The following NRG3 variants were observed in gnomAD, a reference collection of about 807,000 sequenced individuals.
The protein encoded by NRG3 is pro-neuregulin-3, membrane-bound isoform.
Under a neutral mutation model 66.9 loss-of-function variants are expected in NRG3, and 31 were observed. The observed-to-expected ratio is 0.46, with a 90% confidence interval of 0.35 to 0.63. The LOEUF (loss-of-function observed/expected upper bound fraction) is 0.63, where lower values mean the gene tolerates loss of function less well. NRG3 is among the 20% of genes least tolerant of loss of function. NRG3 has a pLI of 0.00. For synonymous variants in NRG3, 393 were observed against 359.4 expected, an observed-to-expected ratio of 1.09 and a Z score of -1.06; for missense variants, 910 against 878.9, an observed-to-expected ratio of 1.04 and a Z score of -0.45.
At position 82,173,558 on chromosome 10, in the gene NRG3, A is replaced by G. The variant is rs1175165479; in HGVS notation, c.824-185181A>G. On this transcript the variant is annotated intron_variant, in intron 1 of 8. Transcript: ENST00000372141. Reference sequence around the variant, plus strand: ...ACAAGGACATTGACCAGATGACACAATGACACAGCTGGGATTGACAATTAC... The same window carrying G: ...ACAAGGACATTGACCAGATGACACAGTGACACAGCTGGGATTGACAATTAC... Among the ~76,000 whole-genome samples the G allele has an allele frequency of 2.6e-5, 4 of 152,162 alleles. No homozygotes were observed. In the South Asian group the frequency reaches 6.2e-4, roughly 24 times the overall value.
intron 2 of NRG3, among the ~76,000 whole-genome samples, chr10:82,384,877 T>C (rs2085875485): frequency 6.6e-6 from 1 of 152,210 alleles, no homozygotes; most frequent in Non-Finnish European, 1.5e-5. Flanking sequence ...ATGGTTGAAC[T>C]AATTTACACT....
intron 1 of NRG3, among the ~76,000 whole-genome samples, chr10:82,344,434 G>T (rs1157279921): frequency 1.3e-5 from 2 of 149,524 alleles, no homozygotes; most frequent in Non-Finnish European, 2.9e-5. Flanking sequence ...TGGTGTATAT[G>T]TGCCACATTT....
At chr10:82,740,725 TGAGA>T (rs10543318) in intron 3 of NRG3, among the ~76,000 whole-genome samples, 13,618 of 150,020 alleles carry the variant, frequency 0.091, 799 homozygotes, top group Middle Eastern at 0.19. Flanking sequence ...CTCTGGAGGC[TGAGA>T]GAGGAGAATC....
chr10:82,362,001 A>G (rs752563103), intron 2 of NRG3, among the ~76,000 whole-genome samples: 1 of 148,850 alleles, frequency 6.7e-6, no homozygotes, highest in Non-Finnish European at 1.5e-5. Flanking sequence ...ATGCTCTGAC[A>G]CATTTCTGTT....
chr10:82,281,091 A>G (rs2079097453), intron 1 of NRG3, among the ~76,000 whole-genome samples: 1 of 152,186 alleles, frequency 6.6e-6, no homozygotes. Flanking sequence ...CCCTGGGATT[A>G]CATTGGTACT....
At chr10:82,829,719 G>A (rs184478653) in intron 3 of NRG3, among the ~76,000 whole-genome samples, 4 of 152,176 alleles carry the variant, frequency 2.6e-5, no homozygotes, top group East Asian at 1.9e-4. Context: ...GATGAATATC[G>A]CCAGGTCATT....
At chr10:81,969,857 T>C (rs1203272667) in intron 1 of NRG3, among the ~76,000 whole-genome samples, 1 of 152,106 alleles carries the variant, frequency 6.6e-6, no homozygotes, top group African/African-American at 2.4e-5. Context: ...AGTCTTGTAT[T>C]CCAATGCCCG....
intron 1 of NRG3, among the ~76,000 whole-genome samples, chr10:81,956,441 A>G (rs1021172201): frequency 1.3e-5 from 2 of 152,212 alleles, no homozygotes; most frequent in Admixed American, 1.3e-4. Context: ...TGGTCCATAC[A>G]CTAGGGCAGA....
intron 2 of NRG3, among the ~76,000 whole-genome samples, chr10:82,542,911 G>A (rs1040038074): frequency 6.1e-5 from 9 of 147,486 alleles, no homozygotes; most frequent in African/African-American, 2.3e-4. Context: ...TTTTTTTTGA[G>A]AACGAGTTTT....
intron 2 of NRG3, among the ~76,000 whole-genome samples, chr10:82,622,192 G>A: frequency 6.6e-6 from 1 of 151,908 alleles, no homozygotes; most frequent in East Asian, 1.9e-4. Context: ...AGTTAGCTAT[G>A]CTATTTATCA....
intron 2 of NRG3, among the ~76,000 whole-genome samples, chr10:82,493,846 C>A (rs1843378230): frequency 6.6e-6 from 1 of 151,590 alleles, no homozygotes; most frequent in Non-Finnish European, 1.5e-5. Flanking sequence ...GCATTCTATT[C>A]ATCTGACAAA....
intron 3 of NRG3, among the ~76,000 whole-genome samples, chr10:82,813,419 G>A (rs1277220358): frequency 6.6e-6 from 1 of 151,772 alleles, no homozygotes; most frequent in East Asian, 1.9e-4. Flanking sequence ...TCACCATGTT[G>A]GCCAAGCTGG....
intron 2 of NRG3, among the ~76,000 whole-genome samples, chr10:82,375,871 T>C (rs2085198887): frequency 1.3e-5 from 2 of 152,194 alleles, no homozygotes; most frequent in South Asian, 4.1e-4. Flanking sequence ...GTTTATGACA[T>C]TTGTATCAAA....
At chr10:82,967,151 A>T (rs1184453713) in intron 6 of NRG3, among the ~76,000 whole-genome samples, 1 of 148,650 alleles carries the variant, frequency 6.7e-6, no homozygotes, top group Non-Finnish European at 1.5e-5. Flanking sequence ...ATATATATAT[A>T]TGTATATTTT....
intron 1 of NRG3, among the ~76,000 whole-genome samples, chr10:82,238,982 C>G (rs968697351): frequency 7.7e-6 from 1 of 129,198 alleles, no homozygotes; most frequent in Non-Finnish European, 1.7e-5. Context: ...TCCTCCAAGT[C>G]ATAAAGATAT....
chr10:82,320,822 A>G lies in NRG3; in HGVS notation c.824-37917A>G, dbSNP rs117577905. ...AGCTGGTATTCCTGTTTTCACGCCC[A>G]AATGTTGCCTTTTCCAAGACCAATC... On this transcript the variant is annotated intron_variant, in intron 1 of 8. Transcript: ENST00000372141. Among the ~76,000 whole-genome samples, 1,519 of 152,222 alleles carry G rather than the reference A, an allele frequency of 1.0e-2. 18 individuals are homozygous for G. The highest frequency in any genetic ancestry group is 0.03 in the South Asian group (143 of 4,820).
At chr10:82,344,098 A>G (rs1301030963) in intron 1 of NRG3, among the ~76,000 whole-genome samples, 1 of 149,710 alleles carries the variant, frequency 6.7e-6, no homozygotes, top group Non-Finnish European at 1.5e-5. Flanking sequence ...GTTTTAGGGT[A>G]CATGTGCACA....
rs114957390 is a variant in NRG3 at position 82,530,876 on chromosome 10, G to T, written c.953+172008G>T. Among the ~76,000 whole-genome samples, 406 of 151,816 alleles carry T rather than the reference G, an allele frequency of 2.7e-3. 1 individual carries two copies. The highest frequency in any genetic ancestry group is 9.4e-3 in the African/African-American group (389 of 41,498). ...ATTAGAATGACATCAATTTGAGAAG[G>T]CCTAGAGTTTTGCAGTATCCTAATT... On this transcript the variant is annotated intron_variant, in intron 2 of 8. Coordinates refer to ENST00000372141, the MANE Select transcript of NRG3 (RefSeq NM_001010848.4).
At chr10:82,326,292 A>G (rs1265781951) in intron 1 of NRG3, among the ~76,000 whole-genome samples, 1 of 152,126 alleles carries the variant, frequency 6.6e-6, no homozygotes, top group Non-Finnish European at 1.5e-5. Flanking sequence ...TGTATAATGC[A>G]GCTTTTTCTG....
Sources: allele counts gnomAD v4.1 joint callset (sites outside exome capture counted in the v4.1 genomes callset), GRCh38; gene constraint gnomAD v4.1.1; transcripts MANE v1.5; gene names NCBI Gene and HGNC (gene_info 2026-07-23, HGNC 2026-07-21).